ZBTB46: variants seen among roughly 807,000 people sequenced by gnomAD.
ZBTB46 encodes the protein zinc finger and BTB domain-containing protein 46.
A neutral mutation model predicts 44.1 loss-of-function variants in ZBTB46; 8 were observed. The observed-to-expected ratio is 0.18, with a 90% CI of 0.11 to 0.33. The LOEUF (loss-of-function observed/expected upper bound fraction) is 0.33. Among genes scored for constraint, ZBTB46 ranks in the 10% least tolerant of loss-of-function variants. ZBTB46 has a pLI of 1.00. For synonymous variants in ZBTB46, 409 were observed against 382.3 expected (o/e 1.07, Z -0.81); for missense variants, 651 against 847.7 (o/e 0.77, Z 2.88).
intron 1 of ZBTB46, among the ~76,000 whole-genome samples, chr20:63,794,160 A>G (rs1162141826): frequency 1.3e-5 from 2 of 150,958 alleles, no homozygotes; most frequent in African/African-American, 4.9e-5. Context: ...CACTCCATCC[A>G]GCCTGGGTGA....
chr20:63,812,836 C>A (rs1368809268), intron 1 of ZBTB46, among the ~76,000 whole-genome samples: 1 of 151,958 alleles, frequency 6.6e-6, no homozygotes, highest in East Asian at 1.9e-4. Context: ...TGGCTAATGC[C>A]TGTAATCCCA....
rs6011101 is a variant in ZBTB46, at chr20:63,769,919, G to A, written c.1222+5759C>T. Reference sequence around the variant, plus strand: ...CGCCTCCTGACGCCCGGGCCCAGCCGCTCCGCCATCTCCACGGCCACCTTC... The same window carrying A: ...CGCCTCCTGACGCCCGGGCCCAGCCACTCCGCCATCTCCACGGCCACCTTC... On this transcript the variant is annotated intron_variant, in intron 3 of 4. Coordinates refer to ENST00000245663, the MANE Select transcript of ZBTB46 (RefSeq NM_001369741.1). 9.3e-3 allele frequency among the ~76,000 whole-genome samples: 1,415 copies of A among 152,270 alleles called. 24 individuals are homozygous for A. Among genetic ancestry groups the A allele is most frequent in the African/African-American group, 0.031 (1,272 of 41,546 alleles).
intron 1 of ZBTB46, among the ~76,000 whole-genome samples, chr20:63,827,627 A>C (rs1162266162): frequency 1.4e-3 from 181 of 126,170 alleles, no homozygotes; most frequent in African/African-American, 3.2e-3. Context: ...AAAAAAAAAA[A>C]CAAAAAAAAA....
At chr20:63,757,545 G>C (rs1012438824) in intron 3 of ZBTB46, among the ~76,000 whole-genome samples, 5 of 152,126 alleles carry the variant, frequency 3.3e-5, no homozygotes, top group Non-Finnish European at 5.9e-5. Flanking sequence ...CTGGCGGCGT[G>C]TCTACCCTGC....
chr20:63,774,069 C>G (rs977718391), intron 3 of ZBTB46, among the ~76,000 whole-genome samples: 2 of 73,642 alleles, frequency 2.7e-5, no homozygotes, highest in Non-Finnish European at 5.9e-5. Flanking sequence ...CCCCCCCCCC[C>G]CCCAGTTTTT....
chr20:63,788,522 G>A (rs923667896), intron 2 of ZBTB46, among the ~76,000 whole-genome samples: 3 of 152,140 alleles, frequency 2.0e-5, no homozygotes, highest in Non-Finnish European at 4.4e-5. Flanking sequence ...GACCCAAGGG[G>A]AGACCCTGTA....
chr20:63,805,949 A>C (rs2092678707), intron 1 of ZBTB46, among the ~76,000 whole-genome samples: 1 of 151,218 alleles, frequency 6.6e-6, no homozygotes, highest in African/African-American at 2.4e-5. Flanking sequence ...ATTTTTTTGT[A>C]TTTTTAGTAC....
chr20:63,817,843 G>A (rs1297505646), intron 1 of ZBTB46, among the ~76,000 whole-genome samples: 2 of 152,206 alleles, frequency 1.3e-5, no homozygotes, highest in Non-Finnish European at 2.9e-5. Context: ...ACCAGGGACT[G>A]TGGTCAACAC....
intron 1 of ZBTB46, among the ~76,000 whole-genome samples, chr20:63,804,695 C>T (rs1371538151): frequency 6.6e-6 from 1 of 151,994 alleles, no homozygotes; most frequent in African/African-American, 2.4e-5. Context: ...AGATCGAGAC[C>T]AGCCTGGCCA....
intron 1 of ZBTB46, chr20:63,808,022 T>TC (rs1256106483): frequency 6.6e-6 from 1 of 151,510 alleles, no homozygotes; most frequent in Non-Finnish European, 1.5e-5. Flanking sequence ...GAACGGACCT[T>TC]CCCACAGGGG....
intron 1 of ZBTB46, among the ~76,000 whole-genome samples, chr20:63,808,994 A>G (rs6011136): frequency 0.18 from 25,401 of 144,200 alleles, 2,864 homozygotes; most frequent in East Asian, 0.44. Context: ...AAAAAAAAAA[A>G]AAAAAGAAAA....
At chr20:63,779,982 T>C (rs1373899846) in intron 2 of ZBTB46, among the ~76,000 whole-genome samples, 1 of 152,072 alleles carries the variant, frequency 6.6e-6, no homozygotes, top group African/African-American at 2.4e-5. Context: ...ATGCTAAAAT[T>C]TGGGTTTCCG....
At chr20:63,831,787 G>C (rs1284897863), upstream of ZBTB46, among the ~76,000 whole-genome samples, 2 of 150,222 alleles carry the variant, frequency 1.3e-5, no homozygotes, top group East Asian at 4.1e-4. Flanking sequence ...GGCCGTCCCC[G>C]CGCCTGACGC....
upstream of ZBTB46, among the ~76,000 whole-genome samples, chr20:63,831,526 G>C (rs1014454752): frequency 3.4e-5 from 5 of 147,830 alleles, no homozygotes; most frequent in African/African-American, 1.2e-4. Context: ...CAGCCGGACA[G>C]CGGAAGTGCG....
chr20:63,749,887 T>C (rs1568826437), intron 4 of ZBTB46, among the ~76,000 whole-genome samples: 1 of 152,158 alleles, frequency 6.6e-6, no homozygotes, highest in Admixed American at 6.5e-5. Flanking sequence ...TGGGAACTCA[T>C]GCAAATGGGC....
chr20:63,817,632 C>T (rs2092767002), intron 1 of ZBTB46, among the ~76,000 whole-genome samples: 1 of 150,240 alleles, frequency 6.7e-6, no homozygotes, highest in South Asian at 2.1e-4. Context: ...AGGAGAATCG[C>T]TTAAACCTGG....
intron 1 of ZBTB46, among the ~76,000 whole-genome samples, chr20:63,792,981 C>T (rs1271199780): frequency 1.3e-5 from 2 of 152,174 alleles, no homozygotes; most frequent in Non-Finnish European, 2.9e-5. Flanking sequence ...GCCGGTGTTG[C>T]CTGCCGGGAG....
At chr20:63,815,810 G>A (rs1158771591) in intron 1 of ZBTB46, among the ~76,000 whole-genome samples, 1 of 147,732 alleles carries the variant, frequency 6.8e-6, no homozygotes, top group African/African-American at 2.5e-5. Flanking sequence ...GTACAGATGG[G>A]CATAGGTGCA....
chr20:63,815,998 A>G lies in ZBTB46; in HGVS notation c.-34+15099T>C, dbSNP rs1363520350. 8.0e-4 allele frequency among the ~76,000 whole-genome samples: 97 copies of G among 120,794 alleles called. 1 individual carries two copies. Among genetic ancestry groups the G allele is most frequent in the African/African-American group, 1.3e-3 (37 of 29,536 alleles). 79.2% of individuals were successfully genotyped at this position (120,794 alleles called of 152,430 possible). A position where few individuals can be genotyped will look rare whatever the true frequency, so the allele number is the denominator to read the frequency against. On this transcript the variant is annotated intron_variant, in intron 1 of 4. Coordinates refer to ENST00000245663, the MANE Select transcript of ZBTB46 (RefSeq NM_001369741.1). ...TACAGTGGGCGCAGGTGCAGTGGGC[A>G]CAGGTGGGCACAGGTGCAGTGGGCG... is the stretch of plus-strand genomic sequence containing the variant.
Sources: gnomAD v4.1 joint callset for allele counts (sites outside exome capture counted in the v4.1 genomes callset) on GRCh38, gnomAD v4.1.1 for gene constraint, MANE v1.5 for transcripts, NCBI Gene and HGNC (gene_info 2026-07-23, HGNC 2026-07-21) for gene names.